The following SLC9A9 variants were observed in gnomAD, a reference collection of about 807,000 sequenced individuals.
SLC9A9 encodes sodium/hydrogen exchanger 9.
SLC9A9 carries 62 observed loss-of-function variants against 77.8 expected under a neutral mutation model. The ratio of observed to expected loss-of-function variants is 0.80; its 90% confidence interval spans 0.65 to 0.98. The LOEUF (loss-of-function observed/expected upper bound fraction) is 0.98. Among genes scored for constraint, SLC9A9 ranks in the 50% least tolerant of loss-of-function variants. SLC9A9 has a pLI of 0.00. For synonymous variants in SLC9A9, 320 were observed against 283.5 expected (o/e 1.13, Z -1.29); for missense variants, 775 against 774.9 (o/e 1.00, Z 0.00).
intron 9 of SLC9A9, among the ~76,000 whole-genome samples, chr3:143,541,465 T>A (rs1368805991): frequency 2.6e-5 from 4 of 152,216 alleles, no homozygotes; most frequent in Non-Finnish European, 5.9e-5. Flanking sequence ...AAGCTGATAC[T>A]CCTGGATTCC....
intron 2 of SLC9A9, among the ~76,000 whole-genome samples, chr3:143,824,484 C>G (rs2009250334): frequency 6.6e-6 from 1 of 152,134 alleles, no homozygotes; most frequent in Admixed American, 6.5e-5. Flanking sequence ...ATCTAAAGAC[C>G]CTTCACTCCG....
chr3:143,705,455 T>C (rs578261849), intron 4 of SLC9A9, among the ~76,000 whole-genome samples: 6 of 152,252 alleles, frequency 3.9e-5, no homozygotes, highest in South Asian at 2.1e-4. Flanking sequence ...AAGGGTATAA[T>C]TGGATTATTT....
chr3:143,477,839 C>G (rs2035506465), intron 11 of SLC9A9, among the ~76,000 whole-genome samples: 1 of 152,198 alleles, frequency 6.6e-6, no homozygotes. Flanking sequence ...TGTGACAAAG[C>G]ACAAAAATCA....
intron 6 of SLC9A9, among the ~76,000 whole-genome samples, chr3:143,581,196 C>T (rs1324564195): frequency 6.6e-6 from 1 of 152,088 alleles, no homozygotes; most frequent in Non-Finnish European, 1.5e-5. Context: ...GAGAGTATTC[C>T]AGGCAGTGGA....
chr3:143,545,620 C>T (rs1046514581), intron 9 of SLC9A9, among the ~76,000 whole-genome samples: 43 of 152,202 alleles, frequency 2.8e-4, no homozygotes, highest in African/African-American at 1.0e-3. Flanking sequence ...AAGGTTTCTA[C>T]TCTCTACCCT....
intron 5 of SLC9A9, among the ~76,000 whole-genome samples, chr3:143,686,882 C>G (rs1933289284): frequency 1.4e-5 from 2 of 142,854 alleles, no homozygotes; most frequent in Admixed American, 1.5e-4. Context: ...TCTTTCCTCT[C>G]CCATTCCCCA....
chr3:143,648,658 C>T (rs557555522), intron 6 of SLC9A9, among the ~76,000 whole-genome samples: 1 of 152,274 alleles, frequency 6.6e-6, no homozygotes, highest in Admixed American at 6.5e-5. Flanking sequence ...ATAATTCTAC[C>T]TTTCTCCAGT....
intron 14 of SLC9A9, among the ~76,000 whole-genome samples, chr3:143,315,093 T>C (rs1365630144): frequency 1.3e-5 from 2 of 152,216 alleles, no homozygotes; most frequent in African/African-American, 2.4e-5. Flanking sequence ...TACAGAATCC[T>C]TAATGGCATA....
chr3:143,327,696 C>T (rs1198313664), intron 14 of SLC9A9, among the ~76,000 whole-genome samples: 3 of 152,170 alleles, frequency 2.0e-5, no homozygotes, highest in South Asian at 2.1e-4. Context: ...TGTTCTTATT[C>T]TACATGCTTG....
chr3:143,450,478 C>T (rs1013382452), intron 12 of SLC9A9, among the ~76,000 whole-genome samples: 2 of 151,738 alleles, frequency 1.3e-5, no homozygotes, highest in Admixed American at 1.3e-4. Context: ...TAATAATTAT[C>T]TCTGTGTGAA....
intron 4 of SLC9A9, among the ~76,000 whole-genome samples, chr3:143,759,511 A>G (rs2007041418): frequency 6.6e-6 from 1 of 152,134 alleles, no homozygotes; most frequent in African/African-American, 2.4e-5. Context: ...AAACAAGTGG[A>G]AGGACATAGA....
chr3:143,406,914 T>C (rs538051212), intron 12 of SLC9A9, among the ~76,000 whole-genome samples: 1 of 144,938 alleles, frequency 6.9e-6, no homozygotes, highest in Admixed American at 7.2e-5. Flanking sequence ...AGGCAGAGGT[T>C]GCAGCGAGCC....
At chr3:143,796,388 A>C (rs1440717732) in intron 3 of SLC9A9, among the ~76,000 whole-genome samples, 1 of 152,202 alleles carries the variant, frequency 6.6e-6, no homozygotes, top group Non-Finnish European at 1.5e-5. Flanking sequence ...AAAAATTTTA[A>C]ATTTTCTAGC....
At chr3:143,734,578 C>CA (rs1255943631) in intron 4 of SLC9A9, among the ~76,000 whole-genome samples, 3 of 151,322 alleles carry the variant, frequency 2.0e-5, no homozygotes, top group Non-Finnish European at 4.4e-5. Flanking sequence ...TACTAAAATA[C>CA]AAAAAATTAG....
intron 9 of SLC9A9, among the ~76,000 whole-genome samples, chr3:143,499,834 T>C (rs1029449319): frequency 2.0e-5 from 3 of 152,216 alleles, no homozygotes; most frequent in Non-Finnish European, 4.4e-5. Context: ...AAGATGATCA[T>C]ATGGTATTTG....
chr3:143,470,724 C>T (rs1280807318), intron 11 of SLC9A9, among the ~76,000 whole-genome samples: 2 of 152,018 alleles, frequency 1.3e-5, no homozygotes, highest in Non-Finnish European at 2.9e-5. Flanking sequence ...CAATAAGATG[C>T]CTAGTATCAA....
intron 6 of SLC9A9, among the ~76,000 whole-genome samples, chr3:143,593,825 GT>G (rs2037703510): frequency 6.6e-6 from 1 of 152,238 alleles, no homozygotes; most frequent in Admixed American, 6.5e-5. Context: ...CATGTGAAAT[GT>G]GATGGTGAAG....
intron 12 of SLC9A9, among the ~76,000 whole-genome samples, chr3:143,421,044 C>T (rs2034288749): frequency 6.6e-6 from 1 of 151,944 alleles, no homozygotes; most frequent in Non-Finnish European, 1.5e-5. Context: ...AATGGCTAGA[C>T]ATAGATTAAA....
intron 5 of SLC9A9, among the ~76,000 whole-genome samples, chr3:143,683,315 T>C (rs1365563954): frequency 6.6e-6 from 1 of 152,160 alleles, no homozygotes; most frequent in Non-Finnish European, 1.5e-5. Context: ...TCTCTGAAGC[T>C]AACTTTCACT....
Sources: gnomAD v4.1 joint callset for allele counts (sites outside exome capture counted in the v4.1 genomes callset) on GRCh38, gnomAD v4.1.1 for gene constraint, MANE v1.5 for transcripts, NCBI Gene and HGNC (gene_info 2026-07-23, HGNC 2026-07-21) for gene names.